Variants in SLC24A4 observed in about 807,000 individuals in gnomAD.
The protein encoded by SLC24A4 is sodium/potassium/calcium exchanger 4.
A neutral mutation model predicts 79.0 loss-of-function variants in SLC24A4; 53 were observed. The observed-to-expected ratio is 0.67, with a 90% confidence interval of 0.54 to 0.84. SLC24A4 has a LOEUF of 0.84. Ranked by LOEUF, SLC24A4 falls within the 40% of genes least tolerant of loss-of-function variation. SLC24A4 has a pLI of 0.00. For synonymous variants in SLC24A4, 323 were observed against 323.8 expected, an observed-to-expected ratio of 1.00 and a Z score of 0.03; for missense variants, 731 against 822.0, an observed-to-expected ratio of 0.89 and a Z score of 1.35.
chr14:92,373,199 C>T (rs914470441), intron 2 of SLC24A4, among the ~76,000 whole-genome samples: 1 of 55,672 alleles, frequency 1.8e-5, no homozygotes. Flanking sequence ...CACACGCACA[C>T]ACACACACAC....
At chr14:92,381,533 C>T (rs1888849740) in intron 2 of SLC24A4, among the ~76,000 whole-genome samples, 1 of 152,042 alleles carries the variant, frequency 6.6e-6, no homozygotes, top group Non-Finnish European at 1.5e-5. Context: ...ACCACCATGG[C>T]ACATGTATAC....
intron 2 of SLC24A4, among the ~76,000 whole-genome samples, chr14:92,429,744 TTCTTC>T (rs1366788634): frequency 6.6e-6 from 1 of 152,162 alleles, no homozygotes; most frequent in Non-Finnish European, 1.5e-5. Flanking sequence ...CCAAGCTGGG[TTCTTC>T]TCTTATCTGT....
Position 92,330,498 on chromosome 14 carries a change from G to A in SLC24A4, c.241+4520G>A, listed in dbSNP as rs565264304. On this transcript the variant is annotated intron_variant, in intron 2 of 16. Coordinates refer to ENST00000532405, the MANE Select transcript of SLC24A4 (RefSeq NM_153646.4). The stretch of plus-strand genomic sequence containing the variant: ...ACAGAGCAAGCACTGAAAATGGGAA[G>A]CAGGTCTCTCCATGCCACATGTATG... Among the ~76,000 whole-genome samples, 41 of 152,306 alleles carry A rather than the reference G, an allele frequency of 2.7e-4. No homozygotes were observed. The South Asian group carries it at 7.7e-3, about 28-fold the overall frequency.
chr14:92,476,513 G>C (rs1264782648), intron 12 of SLC24A4, among the ~76,000 whole-genome samples: 2 of 151,852 alleles, frequency 1.3e-5, no homozygotes, highest in Admixed American at 1.3e-4. Context: ...AAATATTACA[G>C]AGCAAACACA....
At chr14:92,336,914 C>T (rs530152127) in intron 2 of SLC24A4, among the ~76,000 whole-genome samples, 10 of 152,280 alleles carry the variant, frequency 6.6e-5, no homozygotes, top group Admixed American at 5.2e-4. Context: ...GCATCACCTC[C>T]CGTACCTGGA....
intron 12 of SLC24A4, among the ~76,000 whole-genome samples, chr14:92,482,079 G>A (rs1023299027): frequency 6.6e-6 from 1 of 152,194 alleles, no homozygotes; most frequent in African/African-American, 2.4e-5. Flanking sequence ...GATTTCCAAA[G>A]CACCTGCTGT....
chr14:92,443,532 AC>A, intron 7 of SLC24A4, 58 bp downstream of exon 7: 1 of 1,542,688 alleles, frequency 6.5e-7, no homozygotes, highest in Non-Finnish European at 9.0e-7. Flanking sequence ...AAGGCACAGG[AC>A]CCCTGCCCAT....
At chr14:92,488,847 A>C (rs1198529262) in intron 14 of SLC24A4, among the ~76,000 whole-genome samples, 1 of 152,240 alleles carries the variant, frequency 6.6e-6, no homozygotes, top group Non-Finnish European at 1.5e-5. Flanking sequence ...AGGTCAAGGG[A>C]CAAGGAAATG....
chr14:92,363,823 C>T (rs1177589878), intron 2 of SLC24A4, among the ~76,000 whole-genome samples: 11 of 149,320 alleles, frequency 7.4e-5, no homozygotes, highest in Admixed American at 6.7e-4. Flanking sequence ...AGTGAGACTC[C>T]GTCTAAAAAA....
intron 3 of SLC24A4, 72 bp downstream of exon 3, chr14:92,434,060 G>T: frequency 8.4e-7 from 1 of 1,185,396 alleles, no homozygotes; most frequent in Non-Finnish European, 1.3e-6. Flanking sequence ...GGGCAGAGCC[G>T]TGGCGTGTCT....
At position 92,449,203 on chromosome 14, in the gene SLC24A4, A is replaced by G; in HGVS notation, c.867A>G (p.Pro289=). Residue 289 remains proline (P), a synonymous_variant, in exon 10 of 17, where the codon CCA becomes CCG. Coordinates refer to ENST00000532405, the MANE Select transcript of SLC24A4 (RefSeq NM_153646.4). Reference sequence around the variant, plus strand: ...GTAGCTATGATGACCCTTCCGTGCCATTGCTGGGGCAAGGTAAGGCTGAGC... The same window carrying G: ...GTAGCTATGATGACCCTTCCGTGCCGTTGCTGGGGCAAGGTAAGGCTGAGC... ...YDGSYDDPSV[P]LLGQVKEKPQ... 1 of 1,613,930 alleles carries G rather than the reference A, an allele frequency of 6.2e-7. No homozygotes were observed. Among genetic ancestry groups the G allele is most frequent in the Middle Eastern group, 1.6e-4 (1 of 6,062 alleles).
At chr14:92,491,031 G>A (rs1439843504) in intron 14 of SLC24A4, among the ~76,000 whole-genome samples, 1 of 152,138 alleles carries the variant, frequency 6.6e-6, no homozygotes, top group African/African-American at 2.4e-5. Context: ...CTAAAACCAA[G>A]AACTTCTGGG....
intron 2 of SLC24A4, among the ~76,000 whole-genome samples, chr14:92,407,509 A>C (rs1310713049): frequency 2.0e-5 from 3 of 152,162 alleles, no homozygotes; most frequent in African/African-American, 4.8e-5. Context: ...TAATTTATGA[A>C]GAAAAGAGAT....
intron 2 of SLC24A4, among the ~76,000 whole-genome samples, chr14:92,378,200 T>C (rs1888626540): frequency 6.6e-6 from 1 of 152,214 alleles, no homozygotes; most frequent in Admixed American, 6.5e-5. Flanking sequence ...AGCTCAACTA[T>C]TGAACGTTGA....
At position 92,497,541 on chromosome 14, in the gene SLC24A4, AT is replaced by A. The variant is rs1895971072; in HGVS notation, c.*3914del. 6.6e-6 allele frequency: 1 copy of A among 152,242 alleles called. No homozygotes were observed. Among genetic ancestry groups the A allele is most frequent in the Admixed American group, 6.5e-5 (1 of 15,276 alleles). The allele number at this position is 152,242 out of a possible 1,614,324, so 9.4% of individuals were successfully genotyped here. A position where few individuals can be genotyped will look rare whatever the true frequency, so the allele number is the denominator to read the frequency against. The stretch of plus-strand genomic sequence containing the variant: ...GAGGGACAGGAGAGGATCAGAGTTC[AT>A]CCCCCCTGGGAAAGAGCAAGAGCGA... On this transcript the variant is annotated 3_prime_UTR_variant, in exon 17 of 17. Transcript: ENST00000532405.
chr14:92,417,154 A>T (rs914538980), intron 2 of SLC24A4, among the ~76,000 whole-genome samples: 2 of 152,170 alleles, frequency 1.3e-5, no homozygotes, highest in African/African-American at 4.8e-5. Context: ...ACAGTCATGC[A>T]CCATATAACA....
chr14:92,417,906 G>A lies in SLC24A4; in HGVS notation c.242-16006G>A, dbSNP rs188597765. Reference sequence around the variant, plus strand: ...TGTACTCTAGGATGCTCGTGCAGCAGTGAAACTGCCTAACACCACATTTCT... The same window carrying A: ...TGTACTCTAGGATGCTCGTGCAGCAATGAAACTGCCTAACACCACATTTCT... On this transcript the variant is annotated intron_variant, in intron 2 of 16. Coordinates refer to ENST00000532405, the MANE Select transcript of SLC24A4 (RefSeq NM_153646.4). Among the ~76,000 whole-genome samples the A allele has an allele frequency of 4.6e-4, 70 of 152,324 alleles. No homozygotes were observed. In the East Asian group the frequency reaches 7.5e-3, roughly 16 times the overall value.
intron 2 of SLC24A4, among the ~76,000 whole-genome samples, chr14:92,334,054 G>T (rs1885635056): frequency 6.6e-6 from 1 of 152,210 alleles, no homozygotes; most frequent in African/African-American, 2.4e-5. Flanking sequence ...CAATGGCACT[G>T]GTGGCAAGAA....
chr14:92,446,253 T>A (rs944866151), intron 8 of SLC24A4, among the ~76,000 whole-genome samples: 12 of 152,212 alleles, frequency 7.9e-5, no homozygotes, highest in South Asian at 6.2e-4. Flanking sequence ...CTCAAGTGAT[T>A]CATGTGCCTC....
Sources: allele counts gnomAD v4.1 joint callset (sites outside exome capture counted in the v4.1 genomes callset), GRCh38; gene constraint gnomAD v4.1.1; transcripts MANE v1.5; gene names NCBI Gene and HGNC (gene_info 2026-07-23, HGNC 2026-07-21).